Variants in HNRNPUL2 observed in about 807,000 individuals in gnomAD.
HNRNPUL2 encodes heterogeneous nuclear ribonucleoprotein U-like protein 2.
Under a neutral mutation model 102.2 loss-of-function variants are expected in HNRNPUL2, and 27 were observed. The ratio of observed to expected loss-of-function variants is 0.26; its 90% CI spans 0.19 to 0.36. The LOEUF is 0.36. HNRNPUL2 is among the 10% of genes least tolerant of loss of function. The probability of loss-of-function intolerance (pLI) is 1.00; values close to 1 mark genes in which losing one functional copy is unlikely to be tolerated. For synonymous variants in HNRNPUL2, 458 were observed against 387.2 expected (o/e 1.18, Z -2.15); for missense variants, 936 against 981.1 (o/e 0.95, Z 0.61).
Position 62,727,255 on chromosome 11 carries a change from TCA to T in HNRNPUL2, c.-101_-100del, listed in dbSNP as rs1454472829. 19 of 1,273,934 alleles carry T rather than the reference TCA, an allele frequency of 1.5e-5. No homozygotes were observed. Among genetic ancestry groups the T allele is most frequent in the Non-Finnish European group, 1.8e-5 (18 of 1,006,512 alleles). 78.9% of individuals were successfully genotyped at this position (1,273,934 alleles called of 1,614,324 possible). A position where few individuals can be genotyped will look rare whatever the true frequency, so the allele number is the denominator to read the frequency against. On this transcript the variant is annotated 5_prime_UTR_variant, in exon 1 of 14. Coordinates refer to ENST00000301785, the MANE Select transcript of HNRNPUL2 (RefSeq NM_001079559.3). ...GCCGCCGCCGCCGCCCGCCTCCGCC[TCA>T]CGCGCCAGCACTGAGCCCGCGCGAG...
chr11:62,719,985 T>C, intron 10 of HNRNPUL2, 38 bp downstream of exon 10: 1 of 1,579,674 alleles, frequency 6.3e-7, no homozygotes, highest in Non-Finnish European at 8.7e-7. Flanking sequence ...GTCTATGGTA[T>C]TCTGTTATAG....
At chr11:62,726,267 T>C (rs2083745478) in intron 1 of HNRNPUL2, among the ~76,000 whole-genome samples, 1 of 152,286 alleles carries the variant, frequency 6.6e-6, no homozygotes, top group East Asian at 1.9e-4. Flanking sequence ...GTGGGCCTAG[T>C]TCTCCGTGTA....
Position 62,727,156 on chromosome 11 carries a change from T to TCGCCGC in HNRNPUL2, c.-6_-1dup. ...GTCACTTTCAGCCGCTTCACCTCCA[T>TCGCCGC]CGCCGCCGCCGCCTCCTCCGCCTCC... On this transcript the variant is annotated 5_prime_UTR_variant, in exon 1 of 14. Coordinates refer to ENST00000301785, the MANE Select transcript of HNRNPUL2 (RefSeq NM_001079559.3). 4.9e-6 allele frequency: 7 copies of TCGCCGC among 1,425,278 alleles called. No individual in the cohort carries two copies. The highest frequency in any genetic ancestry group is 3.7e-6 in the Non-Finnish European group (4 of 1,090,004). 88.3% of individuals were successfully genotyped at this position (1,425,278 alleles called of 1,614,324 possible).
chr11:62,725,792 C>G (rs987580111), intron 1 of HNRNPUL2, among the ~76,000 whole-genome samples: 1 of 152,168 alleles, frequency 6.6e-6, no homozygotes, highest in East Asian at 1.9e-4. Flanking sequence ...GTCACTAACT[C>G]CCTGGGGCGA....
chr11:62,724,804 T>A (rs1454231169), intron 1 of HNRNPUL2, among the ~76,000 whole-genome samples: 2 of 152,264 alleles, frequency 1.3e-5, no homozygotes, highest in Non-Finnish European at 2.9e-5. Flanking sequence ...TTGTCAGATC[T>A]AGATTTAAGG....
At chr11:62,725,357 C>G (rs2083737359) in intron 1 of HNRNPUL2, among the ~76,000 whole-genome samples, 1 of 152,170 alleles carries the variant, frequency 6.6e-6, no homozygotes, top group Admixed American at 6.5e-5. Context: ...GCCATCACGC[C>G]CGGCTAATAT....
In HNRNPUL2 at chr11:62,720,681, G is replaced by A. The variant is rs188635564; in HGVS notation, c.1612-490C>T. On this transcript the variant is annotated intron_variant, in intron 9 of 13. Coordinates refer to ENST00000301785, the MANE Select transcript of HNRNPUL2 (RefSeq NM_001079559.3). ...AGATCAAGAGCATCCTGGCTAACAC[G>A]ATGAAACCCTGTCTCTACTAAAAAT... is the stretch of plus-strand genomic sequence containing the variant. Among the ~76,000 whole-genome samples the A allele has an allele frequency of 6.6e-5, 10 of 151,686 alleles. No individual in the cohort carries two copies. In the East Asian group the frequency reaches 1.4e-3, roughly 21 times the overall value.
At chr11:62,726,155 C>T (rs7103034) in intron 1 of HNRNPUL2, among the ~76,000 whole-genome samples, 5,599 of 152,212 alleles carry the variant, frequency 0.037, 342 homozygotes, top group African/African-American at 0.13. Context: ...GCTCTGGTAA[C>T]ATGCTTTTAA....
intron 11 of HNRNPUL2, among the ~76,000 whole-genome samples, chr11:62,716,677 G>A (rs2134768957): frequency 6.6e-6 from 1 of 152,294 alleles, no homozygotes; most frequent in African/African-American, 2.4e-5. Context: ...CAGTGACACT[G>A]GGAACCCATA....
At chr11:62,722,549 A>AGTGCC in intron 6 of HNRNPUL2, 52 bp downstream of exon 6, 1 of 1,478,494 alleles carries the variant, frequency 6.8e-7, no homozygotes, top group Non-Finnish European at 9.5e-7. Flanking sequence ...GTGAATTCCC[A>AGTGCC]GTGCCCTCTA....
intron 11 of HNRNPUL2, 125 bp from the exon 12 acceptor site, chr11:62,716,062 G>T: frequency 1.6e-6 from 1 of 635,860 alleles, no homozygotes; most frequent in Non-Finnish European, 2.6e-6. Flanking sequence ...CTTCGGCCAG[G>T]CTCACACATG....
chr11:62,722,387 T>TGACAAGG lies in HNRNPUL2; in HGVS notation c.1096-14_1096-8dup. ...CTTCTTCAGTCTCAAAATTCTACAATGACAAGGGACAAGAGCACTTATTGG... is the reference window on the plus strand; with the variant it reads ...CTTCTTCAGTCTCAAAATTCTACAATGACAAGGGACAAGGGACAAGAGCACTTATTGG... On this transcript the variant is annotated splice_region_variant and splice_polypyrimidine_tract_variant and intron_variant, in intron 6 of 13. Transcript: ENST00000301785. The TGACAAGG allele has an allele frequency of 1.2e-6, 2 of 1,613,140 alleles. No homozygotes were observed. The highest frequency in any genetic ancestry group is 2.2e-5 in the South Asian group (2 of 91,032).
chr11:62,716,906 C>T, intron 11 of HNRNPUL2, 83 bp downstream of exon 11: 1 of 1,468,908 alleles, frequency 6.8e-7, no homozygotes, highest in Non-Finnish European at 9.5e-7. Context: ...GACTTGGTTT[C>T]CTTGGCCTTC....
In HNRNPUL2 at chr11:62,722,180, A is replaced by G. The variant is rs1259393426; in HGVS notation, c.1296T>C (p.His432=). ...FPPPEEFVFI[H]AVPVEERVRT... is the part of the protein sequence containing the mutation. ...GTACACGCTCCTCAACAGGCACAGC[A>G]TGAATGAACACAAACTCTTCTGGTG... The change falls in exon 7 of 14, where the codon CAT becomes CAC. Residue 432 remains histidine (H), a synonymous_variant. Transcript: ENST00000301785. The G allele has an allele frequency of 6.2e-7, 1 of 1,614,204 alleles. No homozygotes were observed. Among genetic ancestry groups the G allele is most frequent in the Admixed American group, 1.7e-5 (1 of 60,028 alleles).
At chr11:62,720,695 T>C (rs2083695128) in intron 9 of HNRNPUL2, among the ~76,000 whole-genome samples, 1 of 151,442 alleles carries the variant, frequency 6.6e-6, no homozygotes, top group African/African-American at 2.4e-5. Flanking sequence ...AAACCCTGTC[T>C]CTACTAAAAA....
At chr11:62,715,670 A>AC (rs1330917441) in intron 12 of HNRNPUL2, 63 bp from the exon 13 acceptor site, 1 of 1,259,756 alleles carries the variant, frequency 7.9e-7, no homozygotes, top group Non-Finnish European at 1.2e-6. Flanking sequence ...ACCCACCGTG[A>AC]CCCCCTTTTA....
At position 62,716,991 on chromosome 11, in the gene HNRNPUL2, T is replaced by A. The variant is rs200198970; in HGVS notation, c.1979A>T (p.Tyr660Phe). The change falls in exon 11 of 14, where the codon TAT becomes TTT. Residue 660 changes from tyrosine to phenylalanine, a missense_variant and splice_region_variant. Physicochemically the swap from Tyr to Phe is conservative, Grantham distance 22 (BLOSUM62 3). Coordinates refer to ENST00000301785, the MANE Select transcript of HNRNPUL2 (RefSeq NM_001079559.3). ...GCTGGCAGGTCCCCAAGACTCACCATAGCCTTGGCCCCGGCTTCGGTTCTG... is the reference window on the plus strand; with the variant it reads ...GCTGGCAGGTCCCCAAGACTCACCAAAGCCTTGGCCCCGGCTTCGGTTCTG... ...NRQNRSRGQG[Y>F]VGGQRRGYDN... 1 of 1,612,646 alleles carries A rather than the reference T, an allele frequency of 6.2e-7. No homozygotes were observed. Among genetic ancestry groups the A allele is most frequent in the South Asian group, 1.1e-5 (1 of 91,016 alleles).
Position 62,721,378 on chromosome 11 carries a change from G to T in HNRNPUL2, c.1528C>A (p.Leu510Ile). ...EPEMDPKSRD[L>I]LVQQASQCLS... Reference sequence around the variant, plus strand: ...CACTGGGAGGCTTGCTGAACTAAAAGGTCTCGGCTTTTGGGGTCCATCTCT... The same window carrying T: ...CACTGGGAGGCTTGCTGAACTAAAATGTCTCGGCTTTTGGGGTCCATCTCT... The change falls in exon 9 of 14, where the codon CTT becomes ATT. Residue 510 changes from leucine (L) to isoleucine (I), a missense_variant. Leu to Ile is a conservative substitution (Grantham distance 5). Coordinates refer to ENST00000301785, the MANE Select transcript of HNRNPUL2 (RefSeq NM_001079559.3). 2 of 1,609,814 alleles carry T rather than the reference G, an allele frequency of 1.2e-6. No homozygotes were observed. The highest frequency in any genetic ancestry group is 1.7e-6 in the Non-Finnish European group (2 of 1,178,576).
rs117871646 is a variant in HNRNPUL2 at position 62,717,526 on chromosome 11, G to A, written c.1781-337C>T. ...AGTAACTGAGAAAGTTCTGGTGTTG[G>A]TCAGATAAGATGCTAAGAAATAACA... On this transcript the variant is annotated intron_variant, in intron 10 of 13. Transcript: ENST00000301785. Among the ~76,000 whole-genome samples the A allele has an allele frequency of 1.3e-3, 193 of 152,318 alleles. 3 individuals carry two copies. In the East Asian group the frequency reaches 0.033, roughly 26 times the overall value.
Sources: gnomAD v4.1 joint callset for allele counts (sites outside exome capture counted in the v4.1 genomes callset) on GRCh38, gnomAD v4.1.1 for gene constraint, MANE v1.5 for transcripts, NCBI Gene and HGNC (gene_info 2026-07-23, HGNC 2026-07-21) for gene names.